MEGF8: variants seen among roughly 807,000 people sequenced by gnomAD.
The protein encoded by MEGF8 is multiple EGF like domains 8.
In MEGF8, 156 loss-of-function variants were observed where a neutral mutation model predicts 302.9. The ratio of observed to expected loss-of-function variants is 0.52; its 90% CI spans 0.45 to 0.59. MEGF8 has a LOEUF of 0.59. Among genes scored for constraint, MEGF8 ranks in the 20% least tolerant of loss-of-function variants. The probability of loss-of-function intolerance (pLI) is 0.00; values close to 1 mark genes in which losing one functional copy is unlikely to be tolerated. For missense variants in MEGF8, 3,345 were observed against 3,964.5 expected (o/e 0.84, Z 4.20); for synonymous variants, 1,621 against 1,660.5 (o/e 0.98, Z 0.58).
At chr19:42,362,958 GCTGGGCCTGAGCTC>G in intron 34 of MEGF8, 76 bp from the exon 35 acceptor site, 1 of 1,088,730 alleles carries the variant, frequency 9.2e-7, no homozygotes. Flanking sequence ...GGGAGGAGGG[GCTGGGCCTGAGCTC>G]CTGGGTCTGA....
At chr19:42,372,149 T>C (rs2147513373) in intron 41 of MEGF8, among the ~76,000 whole-genome samples, 1 of 152,242 alleles carries the variant, frequency 6.6e-6, no homozygotes, top group South Asian at 2.1e-4. Flanking sequence ...GTCTGGGGTC[T>C]GCCTTCAGGA....
rs934636320 is a variant in MEGF8, at chr19:42,336,605, T to A, written c.1245-202T>A. ...ATGTATCTATTCAACAGAGCCCTGC[T>A]TGGTGTCCAGCCCTTGCTAGCTTAT... On this transcript the variant is annotated intron_variant, in intron 6 of 41. Transcript: ENST00000251268. This position sits in a 1 kb window ranked among gnomAD's most constrained non-coding sequence, Gnocchi z 4.8. Among the ~76,000 whole-genome samples, 11 of 152,238 alleles carry A rather than the reference T, an allele frequency of 7.2e-5. No individual in the cohort carries two copies. Among genetic ancestry groups the A allele is most frequent in the African/African-American group, 2.7e-4 (11 of 41,460 alleles).
chr19:42,332,942 T>G (rs1271053372), intron 1 of MEGF8, among the ~76,000 whole-genome samples: 2 of 152,348 alleles, frequency 1.3e-5, no homozygotes, highest in African/African-American at 4.8e-5. Flanking sequence ...GGTGGGTTAC[T>G]TGGCCAAGAT....
intron 1 of MEGF8, among the ~76,000 whole-genome samples, chr19:42,328,928 C>T (rs979722699): frequency 2.6e-5 from 4 of 152,024 alleles, no homozygotes; most frequent in African/African-American, 7.3e-5. Flanking sequence ...AGTGTGTTCA[C>T]TGAGACAGTG....
intron 35 of MEGF8, among the ~76,000 whole-genome samples, chr19:42,365,677 T>A (rs1357994115): frequency 2.4e-5 from 3 of 127,470 alleles, no homozygotes; most frequent in Non-Finnish European, 3.2e-5. Flanking sequence ...GAGGCTGAGG[T>A]GGGAGGATCA....
At position 42,351,628 on chromosome 19, in the gene MEGF8, C is replaced by A; in HGVS notation, c.2988-20C>A. 1.3e-6 allele frequency: 2 copies of A among 1,591,406 alleles called. No homozygotes were observed. The highest frequency in any genetic ancestry group is 1.7e-6 in the Non-Finnish European group (2 of 1,169,574). Reference sequence around the variant, plus strand: ...CGGCAAGGGGCTGGGGCTCTGACCCCCACCCCTGCCATCCTGCAGTGTACA... The same window carrying A: ...CGGCAAGGGGCTGGGGCTCTGACCCACACCCCTGCCATCCTGCAGTGTACA... On this transcript the variant is annotated intron_variant, in intron 17 of 41. Coordinates refer to ENST00000251268, the MANE Select transcript of MEGF8 (RefSeq NM_001271938.2). This position sits in a 1 kb window ranked among gnomAD's most constrained non-coding sequence, Gnocchi z 5.6.
In MEGF8 at chr19:42,352,556, A is replaced by T. The variant is rs2039391947; in HGVS notation, c.3350+100A>T. On this transcript the variant is annotated intron_variant, in intron 19 of 41. Transcript: ENST00000251268. This position sits in a 1 kb window ranked among gnomAD's most constrained non-coding sequence, Gnocchi z 4.4. ...ATGGCGCTGGGTCCCCTCCTGTGGA[A>T]CCAGCATCCCCAGTTAGCCAGGGGT... is the stretch of plus-strand genomic sequence containing the variant. 1.4e-6 allele frequency: 2 copies of T among 1,407,654 alleles called. No individual in the cohort carries two copies. The highest frequency in any genetic ancestry group is 2.5e-5 in the Admixed American group (1 of 40,290). 87.2% of individuals were successfully genotyped at this position (1,407,654 alleles called of 1,614,324 possible). A position where few individuals can be genotyped will look rare whatever the true frequency, so the allele number is the denominator to read the frequency against.
chr19:42,355,317 C>T (rs1179772538), intron 23 of MEGF8, among the ~76,000 whole-genome samples: 2 of 152,098 alleles, frequency 1.3e-5, no homozygotes, highest in Non-Finnish European at 2.9e-5. Flanking sequence ...CAAGTAATTC[C>T]TGTCACACCT....
In MEGF8 at chr19:42,376,373, C is replaced by A. The variant is rs752471888; in HGVS notation, c.8136C>A (p.Ala2712=). The change falls in exon 42 of 42, where the codon GCC becomes GCA. Residue 2712 remains alanine, a synonymous_variant. Transcript: ENST00000251268. The surrounding 1 kb of genome is among the most constrained non-coding windows in gnomAD (Gnocchi z 8.2). ...TCCCACCTGACCCTACTGCCCCGGC[C>A]TCCGCCTGGAAGCCGGCTGGGCTCC... ...VCFPPDPTAP[A]SAWKPAGLPP... is the part of the protein sequence containing the mutation. 3 of 1,613,252 alleles carry A rather than the reference C, an allele frequency of 1.9e-6. No individual in the cohort carries two copies. Among genetic ancestry groups the A allele is most frequent in the African/African-American group, 1.3e-5 (1 of 74,934 alleles).
At position 42,370,843 on chromosome 19, in the gene MEGF8, C is replaced by CGGGGGGGGGGGGGGGGGGGGGGGGG. The variant is rs748624378; in HGVS notation, c.7136+17_7136+41dup. ...GGGAAGTGCACCAAGTAAGAGGAAC[C>CGGGGGGGGGGGGGGGGGGGGGGGGG]GGGGGGGGGGGGGGGGGGGGGGGGG... On this transcript the variant is annotated intron_variant, in intron 40 of 41. Transcript: ENST00000251268. 1 of 130,196 alleles carries CGGGGGGGGGGGGGGGGGGGGGGGGG rather than the reference C, an allele frequency of 7.7e-6. No homozygotes were observed. The highest frequency in any genetic ancestry group is 1.0e-4 in the African/African-American group (1 of 9,710). The allele number at this position is 130,196 out of a possible 1,614,324, so 8.1% of individuals were successfully genotyped here. A position where few individuals can be genotyped will look rare whatever the true frequency, so the allele number is the denominator to read the frequency against.
At position 42,369,413 on chromosome 19, in the gene MEGF8, G is replaced by A. The variant is rs1052880412; in HGVS notation, c.6642-118G>A. On this transcript the variant is annotated intron_variant, in intron 37 of 41. Coordinates refer to ENST00000251268, the MANE Select transcript of MEGF8 (RefSeq NM_001271938.2). This position sits in a 1 kb window ranked among gnomAD's most constrained non-coding sequence, Gnocchi z 5.7. ...TAGATCCTGAAGAGAAGATAGCAAC[G>A]GGACAGAGCAGGGATGAGCAACCAG... is the stretch of plus-strand genomic sequence containing the variant. The A allele has an allele frequency of 2.0e-5, 20 of 1,022,414 alleles. No homozygotes were observed. Among genetic ancestry groups the A allele is most frequent in the African/African-American group, 8.0e-5 (5 of 62,682 alleles). 63.3% of individuals were successfully genotyped at this position (1,022,414 alleles called of 1,614,324 possible).
chr19:42,353,376 G>T lies in MEGF8; in HGVS notation c.3551-89G>T. 7.0e-7 allele frequency: 1 copy of T among 1,424,664 alleles called. No homozygotes were observed. The highest frequency in any genetic ancestry group is 1.4e-5 in the African/African-American group (1 of 70,366). The allele number at this position is 1,424,664 out of a possible 1,614,324, so 88.3% of individuals were successfully genotyped here. A position where few individuals can be genotyped will look rare whatever the true frequency, so the allele number is the denominator to read the frequency against. ...TTGGTTTCTCACCTTTGAAGCGGCT[G>T]GGTGGGGTCAGGGTTTAGCTGAGCC... is the stretch of plus-strand genomic sequence containing the variant. On this transcript the variant is annotated intron_variant, in intron 20 of 41. Coordinates refer to ENST00000251268, the MANE Select transcript of MEGF8 (RefSeq NM_001271938.2). This position sits in a 1 kb window ranked among gnomAD's most constrained non-coding sequence, Gnocchi z 6.1.
At chr19:42,346,399 G>C (rs527668453) in intron 12 of MEGF8, among the ~76,000 whole-genome samples, 3 of 152,050 alleles carry the variant, frequency 2.0e-5, no homozygotes, top group Non-Finnish European at 4.4e-5. Context: ...AAAATTAGCC[G>C]GGCGTGATGT....
In MEGF8 at chr19:42,351,164, C is replaced by T; in HGVS notation, c.2737-52C>T. On this transcript the variant is annotated intron_variant, in intron 15 of 41. Coordinates refer to ENST00000251268, the MANE Select transcript of MEGF8 (RefSeq NM_001271938.2). The surrounding 1 kb of genome is among the most constrained non-coding windows in gnomAD (Gnocchi z 5.6). ...GGGGGTGGGATGGGCACTGGGAGTC[C>T]AAAGGAAAGGGCTGAGTGGGGTTCT... The T allele has an allele frequency of 6.7e-7, 1 of 1,497,604 alleles. No homozygotes were observed. 92.8% of individuals were successfully genotyped at this position (1,497,604 alleles called of 1,614,324 possible).
Position 42,343,940 on chromosome 19 carries a change from T to G in MEGF8, c.1669-14T>G. The G allele has an allele frequency of 6.2e-7, 1 of 1,611,714 alleles. No individual in the cohort carries two copies. The highest frequency in any genetic ancestry group is 1.7e-4 in the Middle Eastern group (1 of 6,048). ...TCCCCTTGCCTCCCCCTCTGTCCCC[T>G]TGCCTCCCTGCAGTACCACTTGGAC... On this transcript the variant is annotated splice_polypyrimidine_tract_variant and intron_variant, in intron 9 of 41. Transcript: ENST00000251268.
chr19:42,357,377 C>CGGT lies in MEGF8; in HGVS notation c.4831-25_4831-23dup. On this transcript the variant is annotated intron_variant, in intron 27 of 41. Transcript: ENST00000251268. This position sits in a 1 kb window ranked among gnomAD's most constrained non-coding sequence, Gnocchi z 5.2. ...GGTGACCCCTGACCTCTAGCCCCATCGGTGACCTTGCCCCTCCATCCCTCA... is the reference window on the plus strand; with the variant it reads ...GGTGACCCCTGACCTCTAGCCCCATCGGTGGTGACCTTGCCCCTCCATCCCTCA... The CGGT allele has an allele frequency of 5.0e-6, 8 of 1,608,090 alleles. No individual in the cohort carries two copies. Among genetic ancestry groups the CGGT allele is most frequent in the South Asian group, 2.2e-5 (2 of 90,596 alleles).
chr19:42,344,704 C>A lies in MEGF8; in HGVS notation c.1968C>A (p.Gly656=). 2 of 1,604,756 alleles carry A rather than the reference C, an allele frequency of 1.2e-6. No homozygotes were observed. Among genetic ancestry groups the A allele is most frequent in the Non-Finnish European group, 8.5e-7 (1 of 1,175,120 alleles). ...QARCRGEQIS[G]TVGWWGPAPV... The stretch of plus-strand genomic sequence containing the variant: ...GCTGCCGAGGGGAGCAGATCTCAGG[C>A]ACTGTGGGCTGGTGGGGGCCTGCGC... The change falls in exon 12 of 42, where the codon GGC becomes GGA. Residue 656 remains glycine (G), a synonymous_variant. Coordinates refer to ENST00000251268, the MANE Select transcript of MEGF8 (RefSeq NM_001271938.2). The surrounding 1 kb of genome is among the most constrained non-coding windows in gnomAD (Gnocchi z 4.5).
chr19:42,368,572 C>T lies in MEGF8; in HGVS notation c.6391C>T (p.Leu2131=). 6.3e-7 allele frequency: 1 copy of T among 1,588,054 alleles called. No homozygotes were observed. The change falls in exon 36 of 42, where the codon CTG becomes TTG. Residue 2131 remains leucine, a synonymous_variant. Transcript: ENST00000251268. The surrounding 1 kb of genome is among the most constrained non-coding windows in gnomAD (Gnocchi z 4.9). The part of the protein sequence containing the change: ...CAQATQCALC[L]RRPHCGWCAW... ...TCAGGCAACTCAGTGCGCCTTGTGC[C>T]TGCGGCGCCCCCATTGCGGCTGGTG... is the stretch of plus-strand genomic sequence containing the variant.
rs985549258 is a variant in MEGF8, at chr19:42,369,610, C to T, written c.6721C>T (p.His2241Tyr). 1 of 1,613,032 alleles carries T rather than the reference C, an allele frequency of 6.2e-7. No homozygotes were observed. Among genetic ancestry groups the T allele is most frequent in the African/African-American group, 1.3e-5 (1 of 75,058 alleles). Residue 2241 changes from histidine (H) to tyrosine (Y), a missense_variant, in exon 38 of 42, where the codon CAC (histidine) becomes TAC (tyrosine). By Grantham distance (83) the His-to-Tyr change is moderately conservative (BLOSUM62 2). Transcript: ENST00000251268. The surrounding 1 kb of genome is among the most constrained non-coding windows in gnomAD (Gnocchi z 5.7). ...TGTGGAGCCCGACCACTGCCGCTGC[C>T]ACTTTGGCTTTGTGGGCCGCAACTG... The part of the protein sequence containing the change: ...SCVEPDHCRC[H>Y]FGFVGRNCST...
Sources: allele counts gnomAD v4.1 joint callset (sites outside exome capture counted in the v4.1 genomes callset), GRCh38; gene constraint gnomAD v4.1.1; non-coding constraint Gnocchi (gnomAD v3.1); transcripts MANE v1.5; gene names NCBI Gene and HGNC (gene_info 2026-07-23, HGNC 2026-07-21).